ACVR1: variants seen among roughly 807,000 people sequenced by gnomAD.
ACVR1 encodes the protein activin A receptor type 1, also known as activin receptor type-1.
ACVR1 carries 38 observed loss-of-function variants against 57.1 expected under a neutral mutation model. The ratio of observed to expected loss-of-function variants is 0.67; its 90% CI spans 0.51 to 0.87. The LOEUF (loss-of-function observed/expected upper bound fraction) is 0.87, where lower values mean the gene tolerates loss of function less well. ACVR1 is among the 40% of genes least tolerant of loss of function. ACVR1 has a pLI of 0.00. For synonymous variants in ACVR1, 212 were observed against 228.1 expected (o/e 0.93, Z 0.63); for missense variants, 463 against 638.2 (o/e 0.73, Z 2.96).
chr2:157,774,248 AT>A, intron 5 of ACVR1, 61 bp from the exon 6 acceptor site: 1 of 1,320,372 alleles, frequency 7.6e-7, no homozygotes, highest in Non-Finnish European at 1.1e-6. Context: ...ACTTTGGAGT[AT>A]TAGCATGCAT....
intron 2 of ACVR1, among the ~76,000 whole-genome samples, chr2:157,802,374 G>A (rs1687356328): frequency 6.6e-6 from 1 of 152,168 alleles, no homozygotes; most frequent in Admixed American, 6.5e-5. Flanking sequence ...GTCTGGAAGA[G>A]TCACAAAGAG....
At chr2:157,829,835 A>G (rs1688519579) in intron 1 of ACVR1, among the ~76,000 whole-genome samples, 1 of 152,340 alleles carries the variant, frequency 6.6e-6, no homozygotes, top group African/African-American at 2.4e-5. Context: ...TTTAATTTTT[A>G]AATTTTACTA....
chr2:157,796,992 G>A (rs996790064), intron 3 of ACVR1, among the ~76,000 whole-genome samples: 3 of 152,162 alleles, frequency 2.0e-5, no homozygotes, highest in African/African-American at 7.2e-5. Context: ...GTCTATAACA[G>A]CACTGGCCAA....
At chr2:157,832,188 C>T (rs1203653878) in intron 1 of ACVR1, among the ~76,000 whole-genome samples, 1 of 152,060 alleles carries the variant, frequency 6.6e-6, no homozygotes, top group Non-Finnish European at 1.5e-5. Flanking sequence ...TGCCTGTGTC[C>T]CATCTATAAA....
intron 1 of ACVR1, among the ~76,000 whole-genome samples, chr2:157,838,759 T>C (rs1418413335): frequency 6.6e-6 from 1 of 152,182 alleles, no homozygotes; most frequent in African/African-American, 2.4e-5. Flanking sequence ...TGCATGGCTC[T>C]TCCAAGTATG....
chr2:157,743,176 C>T (rs771601587), intron 9 of ACVR1, among the ~76,000 whole-genome samples: 4 of 152,092 alleles, frequency 2.6e-5, no homozygotes, highest in Non-Finnish European at 5.9e-5. Flanking sequence ...TCATTCCCAC[C>T]TGCACCTCAC....
intron 1 of ACVR1, among the ~76,000 whole-genome samples, chr2:157,863,278 G>C (rs1049597144): frequency 1.4e-5 from 2 of 145,552 alleles, no homozygotes; most frequent in Non-Finnish European, 3.0e-5. Context: ...CTCCCAAAGG[G>C]TTGGGATTAC....
intron 3 of ACVR1, among the ~76,000 whole-genome samples, chr2:157,781,247 C>A (rs1014981904): frequency 5.9e-5 from 9 of 152,130 alleles, no homozygotes; most frequent in African/African-American, 1.2e-4. Flanking sequence ...ATCCAAAAAT[C>A]CAGAATTCAA....
intron 1 of ACVR1, among the ~76,000 whole-genome samples, chr2:157,843,587 C>T (rs1425039054): frequency 6.6e-6 from 1 of 152,144 alleles, no homozygotes; most frequent in Non-Finnish European, 1.5e-5. Flanking sequence ...GAGATTCAAA[C>T]CCACACTTGC....
Position 157,742,441 on chromosome 2 carries a change from C to T in ACVR1, c.1265-3871G>A, listed in dbSNP as rs1559030755. On this transcript the variant is annotated intron_variant, in intron 9 of 10. Coordinates refer to ENST00000434821, the MANE Select transcript of ACVR1 (RefSeq NM_001111067.4). ...CTCGCCTCCCATGTAAGGCGGCCAGCGTGACTCAAAGGGCCACGAGAAAGA... is the reference window on the plus strand; with the variant it reads ...CTCGCCTCCCATGTAAGGCGGCCAGTGTGACTCAAAGGGCCACGAGAAAGA... Among the ~76,000 whole-genome samples the T allele has an allele frequency of 2.6e-5, 4 of 152,254 alleles. 1 individual carries two copies. The highest frequency in any genetic ancestry group is 4.1e-4 in the South Asian group (2 of 4,820).
intron 8 of ACVR1, among the ~76,000 whole-genome samples, chr2:157,762,604 T>C (rs1270262741): frequency 6.6e-6 from 1 of 152,204 alleles, no homozygotes; most frequent in Admixed American, 6.5e-5. Context: ...GGACATATTT[T>C]AAAGCCACCA....
intron 9 of ACVR1, among the ~76,000 whole-genome samples, chr2:157,739,353 T>TCTGCCC (rs1684661464): frequency 6.6e-6 from 1 of 152,212 alleles, no homozygotes; most frequent in African/African-American, 2.4e-5. Context: ...AATACCAGCT[T>TCTGCCC]CTGCCCCTGC....
chr2:157,800,370 G>T (rs914035303), intron 2 of ACVR1, among the ~76,000 whole-genome samples: 2 of 152,142 alleles, frequency 1.3e-5, no homozygotes, highest in Non-Finnish European at 2.9e-5. Flanking sequence ...GCTCACAGCT[G>T]TAATCCCAGT....
intron 9 of ACVR1, among the ~76,000 whole-genome samples, chr2:157,758,898 G>C (rs1685533450): frequency 6.6e-6 from 1 of 151,874 alleles, no homozygotes; most frequent in African/African-American, 2.4e-5. Flanking sequence ...AACAACCACT[G>C]GGTCAATGAA....
chr2:157,769,518 G>A (rs932980580), intron 7 of ACVR1, among the ~76,000 whole-genome samples: 3 of 152,182 alleles, frequency 2.0e-5, no homozygotes, highest in Non-Finnish European at 4.4e-5. Flanking sequence ...TGAAGCTTTG[G>A]ACAACTGTCA....
At chr2:157,785,619 C>T (rs190162260) in intron 3 of ACVR1, among the ~76,000 whole-genome samples, 1 of 152,282 alleles carries the variant, frequency 6.6e-6, no homozygotes, top group East Asian at 1.9e-4. Context: ...CCTAAATAAT[C>T]TCTCATTATA....
Position 157,780,380 on chromosome 2 carries a change from C to A in ACVR1, c.288G>T (p.Gly96=). The part of the protein sequence containing the change: ...SPGQAVECCQ[G]DWCNRNITAQ... The stretch of plus-strand genomic sequence containing the variant: ...CCGTGATGTTCCTGTTACACCAGTC[C>A]CCTTGGCAGCACTCCACGGCTTGGC... The change falls in exon 4 of 11, where the codon GGG becomes GGT. Residue 96 remains glycine, a synonymous_variant. Transcript: ENST00000434821. The A allele has an allele frequency of 6.2e-7, 1 of 1,614,136 alleles. No individual in the cohort carries two copies. The highest frequency in any genetic ancestry group is 1.1e-5 in the South Asian group (1 of 91,082).
chr2:157,780,737 G>T, intron 3 of ACVR1, 137 bp from the exon 4 acceptor site: 2 of 1,056,784 alleles, frequency 1.9e-6, no homozygotes, highest in Non-Finnish European at 2.7e-6. Context: ...TCAACCATGA[G>T]GTCCACATTC....
chr2:157,821,533 TAAAAAATA>T (rs1559077248), intron 1 of ACVR1, among the ~76,000 whole-genome samples: 1 of 151,300 alleles, frequency 6.6e-6, no homozygotes, highest in South Asian at 2.1e-4. Flanking sequence ...CTAAAAAAAA[TAAAAAATA>T]AAAAAATAAA....
Sources: gnomAD v4.1 joint callset for allele counts (sites outside exome capture counted in the v4.1 genomes callset) on GRCh38, gnomAD v4.1.1 for gene constraint, MANE v1.5 for transcripts, NCBI Gene and HGNC (gene_info 2026-07-23, HGNC 2026-07-21) for gene names.